Variants in CHSY1 observed in about 807,000 individuals in gnomAD.
CHSY1 encodes N-acetylgalactosaminyl-proteoglycan 3-beta-glucuronosyltransferase 1.
A neutral mutation model predicts 59.8 loss-of-function variants in CHSY1; 13 were observed. That is an observed-to-expected ratio of 0.22 (90% CI 0.14 to 0.35). CHSY1 has a LOEUF of 0.35. CHSY1 is among the 10% of genes least tolerant of loss of function. The pLI, the probability that CHSY1 is intolerant of heterozygous loss-of-function variation, is 1.00. For synonymous variants in CHSY1, 459 were observed against 401.2 expected, an observed-to-expected ratio of 1.14 and a Z score of -1.72; for missense variants, 947 against 1,030.6, an observed-to-expected ratio of 0.92 and a Z score of 1.11.
At chr15:101,180,054 T>G (rs1270737064) in intron 2 of CHSY1, among the ~76,000 whole-genome samples, 1 of 152,242 alleles carries the variant, frequency 6.6e-6, no homozygotes, top group Non-Finnish European at 1.5e-5. Flanking sequence ...TAACTCTTGG[T>G]AAGGGATGAC....
chr15:101,207,299 TC>T (rs1218663792), intron 2 of CHSY1, among the ~76,000 whole-genome samples: 9 of 152,364 alleles, frequency 5.9e-5, no homozygotes, highest in African/African-American at 2.2e-4. Context: ...AAGAGTTACG[TC>T]CACATAACCC....
Position 101,251,265 on chromosome 15 carries a change from A to C in CHSY1, c.192T>G (p.Asp64Glu). The C allele has an allele frequency of 7.4e-7, 1 of 1,359,560 alleles. No homozygotes were observed. The highest frequency in any genetic ancestry group is 3.2e-5 in the East Asian group (1 of 31,668). 84.2% of individuals were successfully genotyped at this position (1,359,560 alleles called of 1,614,324 possible). A position where few individuals can be genotyped will look rare whatever the true frequency, so the allele number is the denominator to read the frequency against. Reference sequence around the variant, plus strand: ...GCGGCCAGAGCTGCGCCCCGCGCGCATCGCCGCGCGCCCCGCCGGCCTGGG... The same window carrying C: ...GCGGCCAGAGCTGCGCCCCGCGCGCCTCGCCGCGCGCCCCGCCGGCCTGGG... ...AASQAGGARG[D>E]ARGAQLWPPG... The change falls in exon 1 of 3, where the codon GAT (aspartate) becomes GAG (glutamate). Residue 64 changes from aspartate (D) to glutamate (E), a missense_variant. This residue lies in a region of CHSY1 where 232 missense variants were observed against 188.5 expected (regional missense o/e 1.23). Coordinates refer to ENST00000254190, the MANE Select transcript of CHSY1 (RefSeq NM_014918.5).
chr15:101,179,612 C>T (rs893697529), intron 2 of CHSY1, among the ~76,000 whole-genome samples: 6 of 152,204 alleles, frequency 3.9e-5, no homozygotes, highest in Admixed American at 2.6e-4. Flanking sequence ...TGGCCTCCTG[C>T]GTACGAGGAA....
rs1282067575 is a variant in CHSY1, at chr15:101,177,263, G to C, written c.*125C>G. ...GTTCAGAAAGCTCAATCTTAAAGGA[G>C]TCCTATGTAAGAAAACCACTTGTAA... is the stretch of plus-strand genomic sequence containing the variant. On this transcript the variant is annotated 3_prime_UTR_variant, in exon 3 of 3. Transcript: ENST00000254190. The C allele has an allele frequency of 3.6e-6, 3 of 841,014 alleles. No homozygotes were observed. The highest frequency in any genetic ancestry group is 3.4e-5 in the African/African-American group (2 of 58,048). The allele number at this position is 841,014 out of a possible 1,614,324, so 52.1% of individuals were successfully genotyped here.
At chr15:101,179,825 G>A (rs754205612) in intron 2 of CHSY1, among the ~76,000 whole-genome samples, 4 of 152,228 alleles carry the variant, frequency 2.6e-5, no homozygotes, top group Admixed American at 2.0e-4. Context: ...ATAAGCTTAC[G>A]GGCCATCAGC....
intron 1 of CHSY1, among the ~76,000 whole-genome samples, chr15:101,236,241 C>T (rs942339575): frequency 1.3e-5 from 2 of 152,144 alleles, no homozygotes; most frequent in African/African-American, 2.4e-5. Context: ...AAGGCTGATA[C>T]GGTTTGGCTG....
chr15:101,248,869 C>G (rs1329166082), intron 1 of CHSY1, among the ~76,000 whole-genome samples: 1 of 152,120 alleles, frequency 6.6e-6, no homozygotes, highest in East Asian at 1.9e-4. Context: ...TCACAGCAAC[C>G]TCTGCCTCCT....
At chr15:101,246,107 T>C (rs1426881259) in intron 1 of CHSY1, among the ~76,000 whole-genome samples, 1 of 152,208 alleles carries the variant, frequency 6.6e-6, no homozygotes, top group Non-Finnish European at 1.5e-5. Flanking sequence ...CCTATATCTC[T>C]AGGTAATGCT....
intron 2 of CHSY1, among the ~76,000 whole-genome samples, chr15:101,204,448 A>AATAATAAT (rs754323589): frequency 0.1 from 15,064 of 148,922 alleles, 1,055 homozygotes; most frequent in Middle Eastern, 0.19. Context: ...TAATAATAAT[A>AATAATAAT]ATAATAATAA....
At chr15:101,243,578 G>A (rs2039023694) in intron 1 of CHSY1, among the ~76,000 whole-genome samples, 1 of 152,044 alleles carries the variant, frequency 6.6e-6, no homozygotes, top group Admixed American at 6.6e-5. Context: ...CCTCCCAGGT[G>A]GTCACCCACA....
At chr15:101,245,587 CAG>C (rs2039042356) in intron 1 of CHSY1, among the ~76,000 whole-genome samples, 1 of 152,302 alleles carries the variant, frequency 6.6e-6, no homozygotes, top group Admixed American at 6.5e-5. Flanking sequence ...AGTTAACAGA[CAG>C]GGGAACGTGA....
rs2038194299 is a variant in CHSY1 at position 101,176,724 on chromosome 15, A to G, written c.*664T>C. 2 of 242,608 alleles carry G rather than the reference A, an allele frequency of 8.2e-6. No individual in the cohort carries two copies. The allele number at this position is 242,608 out of a possible 1,614,324, so 15.0% of individuals were successfully genotyped here. On this transcript the variant is annotated 3_prime_UTR_variant, in exon 3 of 3. Coordinates refer to ENST00000254190, the MANE Select transcript of CHSY1 (RefSeq NM_014918.5). The stretch of plus-strand genomic sequence containing the variant: ...GGCAGGGGAATTGCTTGAACCAGGG[A>G]AGTGGAGGTTAAAGTGAGCCAAGAT...
chr15:101,184,255 G>C (rs1217328152), intron 2 of CHSY1, among the ~76,000 whole-genome samples: 2 of 152,192 alleles, frequency 1.3e-5, no homozygotes, highest in Non-Finnish European at 1.5e-5. Flanking sequence ...ATGGAGAAAA[G>C]TATTGACTAA....
intron 2 of CHSY1, among the ~76,000 whole-genome samples, chr15:101,222,044 A>G (rs939291040): frequency 1.3e-5 from 2 of 152,204 alleles, no homozygotes; most frequent in African/African-American, 4.8e-5. Flanking sequence ...TAATGGTACC[A>G]TTACAAATTT....
chr15:101,222,791 G>C (rs1364609852), intron 2 of CHSY1, among the ~76,000 whole-genome samples: 4 of 152,138 alleles, frequency 2.6e-5, no homozygotes, highest in Admixed American at 2.6e-4. Context: ...TCATGGTGGG[G>C]GGGGTACCTG....
intron 2 of CHSY1, among the ~76,000 whole-genome samples, chr15:101,198,297 C>T (rs1057340128): frequency 6.6e-6 from 1 of 152,064 alleles, no homozygotes; most frequent in Non-Finnish European, 1.5e-5. Flanking sequence ...AATGGAAGAC[C>T]CTGGACCCCT....
chr15:101,250,736 C>A (rs778712108), intron 1 of CHSY1, among the ~76,000 whole-genome samples: 35 of 152,184 alleles, frequency 2.3e-4, no homozygotes, highest in Non-Finnish European at 4.3e-4. Flanking sequence ...GACAAAGGTG[C>A]ACATTTTAGG....
At position 101,176,521 on chromosome 15, in the gene CHSY1, C is replaced by T. The variant is rs903787963; in HGVS notation, c.*867G>A. Reference sequence around the variant, plus strand: ...AATTTAATGCCAGGTCTATTTAGGCCGAATGAACTACCACGAGAACAGCCA... The same window carrying T: ...AATTTAATGCCAGGTCTATTTAGGCTGAATGAACTACCACGAGAACAGCCA... On this transcript the variant is annotated 3_prime_UTR_variant, in exon 3 of 3. Coordinates refer to ENST00000254190, the MANE Select transcript of CHSY1 (RefSeq NM_014918.5). 7.5e-6 allele frequency: 3 copies of T among 397,418 alleles called. No individual in the cohort carries two copies. Among genetic ancestry groups the T allele is most frequent in the Non-Finnish European group, 8.9e-6 (2 of 225,768 alleles). The allele number at this position is 397,418 out of a possible 1,614,324, so 24.6% of individuals were successfully genotyped here.
chr15:101,215,449 T>C (rs971970138), intron 2 of CHSY1, among the ~76,000 whole-genome samples: 1 of 152,172 alleles, frequency 6.6e-6, no homozygotes, highest in African/African-American at 2.4e-5. Flanking sequence ...AATTTTTAAA[T>C]ATAGGCCACG....
Sources: allele counts gnomAD v4.1 joint callset (sites outside exome capture counted in the v4.1 genomes callset), GRCh38; gene constraint gnomAD v4.1.1; regional missense constraint gnomAD v4.1.1; transcripts MANE v1.5; gene names NCBI Gene and HGNC (gene_info 2026-07-23, HGNC 2026-07-21).